The following SCAMP1 variants were observed in gnomAD, a reference collection of about 807,000 sequenced individuals.
The protein encoded by SCAMP1 is secretory carrier-associated membrane protein 1.
Under a neutral mutation model 41.8 loss-of-function variants are expected in SCAMP1, and 15 were observed. The ratio of observed to expected loss-of-function variants is 0.36; its 90% CI spans 0.24 to 0.55. The LOEUF (loss-of-function observed/expected upper bound fraction) is 0.55. Among genes scored for constraint, SCAMP1 ranks in the 20% least tolerant of loss-of-function variants. The pLI, the probability that SCAMP1 is intolerant of heterozygous loss-of-function variation, is 0.86. For synonymous variants in SCAMP1, 135 were observed against 136.8 expected, an observed-to-expected ratio of 0.99 and a Z score of 0.09; for missense variants, 341 against 412.6, an observed-to-expected ratio of 0.83 and a Z score of 1.50.
rs964453841 is a variant in SCAMP1, at chr5:78,479,986, C to T, written c.*4318C>T. Among the ~76,000 whole-genome samples the T allele has an allele frequency of 4.0e-5, 6 of 151,508 alleles. No individual in the cohort carries two copies. The highest frequency in any genetic ancestry group is 1.5e-4 in the African/African-American group (6 of 41,104). ...ACGTGAACCTGGGAGGCGGAGCTTGCAGTGAGCCGAGATCTCTCCACTGCA... is the reference window on the plus strand; with the variant it reads ...ACGTGAACCTGGGAGGCGGAGCTTGTAGTGAGCCGAGATCTCTCCACTGCA... On this transcript the variant is annotated 3_prime_UTR_variant, in exon 9 of 9. Transcript: ENST00000621999.
At chr5:78,447,529 G>C (rs895257441) in intron 6 of SCAMP1, among the ~76,000 whole-genome samples, 1 of 152,046 alleles carries the variant, frequency 6.6e-6, no homozygotes, top group African/African-American at 2.4e-5. Context: ...AAGAAATGCT[G>C]CTAGAACAAT....
intron 6 of SCAMP1, among the ~76,000 whole-genome samples, chr5:78,444,999 T>C (rs1324234970): frequency 6.6e-6 from 1 of 152,236 alleles, no homozygotes; most frequent in Non-Finnish European, 1.5e-5. Flanking sequence ...TGTTCTCTTA[T>C]CTGCTATGTT....
intron 8 of SCAMP1, among the ~76,000 whole-genome samples, chr5:78,460,812 C>CTTT (rs1211929705): frequency 8.6e-4 from 22 of 25,488 alleles, no homozygotes; most frequent in South Asian, 2.1e-3. Flanking sequence ...TTCCTCCCTT[C>CTTT]CTTCCTTCCT....
At chr5:78,375,306 A>G (rs903772521) in intron 1 of SCAMP1, among the ~76,000 whole-genome samples, 2 of 152,142 alleles carry the variant, frequency 1.3e-5, no homozygotes, top group African/African-American at 4.8e-5. Flanking sequence ...TCTTCCAACA[A>G]CTTGGTCTTT....
Position 78,479,776 on chromosome 5 carries a change from C to T in SCAMP1, c.*4108C>T, listed in dbSNP as rs1256568995. On this transcript the variant is annotated 3_prime_UTR_variant, in exon 9 of 9. Transcript: ENST00000621999. ...ATAGGATTTTGGCCAGGTGTGGTGG[C>T]TCACGCCTGTAATCCCAGCACTTTG... Among the ~76,000 whole-genome samples the T allele has an allele frequency of 6.6e-6, 1 of 152,188 alleles. No individual in the cohort carries two copies. Among genetic ancestry groups the T allele is most frequent in the African/African-American group, 2.4e-5 (1 of 41,430 alleles).
chr5:78,386,344 TAC>T (rs1751341026), intron 1 of SCAMP1, among the ~76,000 whole-genome samples: 1 of 152,120 alleles, frequency 6.6e-6, no homozygotes, highest in African/African-American at 2.4e-5. Flanking sequence ...TTTATGTGAG[TAC>T]TTATGTGTCA....
At chr5:78,435,183 A>C (rs531119765) in intron 6 of SCAMP1, among the ~76,000 whole-genome samples, 1 of 152,318 alleles carries the variant, frequency 6.6e-6, no homozygotes, top group East Asian at 1.9e-4. Context: ...TTTATTTCTT[A>C]CAGAGGATTA....
At chr5:78,395,935 G>A (rs1751640085) in intron 2 of SCAMP1, among the ~76,000 whole-genome samples, 1 of 152,164 alleles carries the variant, frequency 6.6e-6, no homozygotes. Context: ...CAAGGGAAGG[G>A]CATTATTAAA....
intron 2 of SCAMP1, among the ~76,000 whole-genome samples, chr5:78,405,700 C>A (rs1324429766): frequency 6.6e-6 from 1 of 152,112 alleles, no homozygotes; most frequent in Non-Finnish European, 1.5e-5. Context: ...TAATGTATCC[C>A]AATTCCTGTA....
At chr5:78,456,893 C>T in intron 7 of SCAMP1, among the ~76,000 whole-genome samples, 1 of 119,710 alleles carries the variant, frequency 8.4e-6, no homozygotes, top group Non-Finnish European at 1.7e-5. Flanking sequence ...TCTTTTTATT[C>T]TTTTTTCTCT....
At chr5:78,441,666 A>C (rs1752927960) in intron 6 of SCAMP1, among the ~76,000 whole-genome samples, 2 of 152,172 alleles carry the variant, frequency 1.3e-5, no homozygotes, top group African/African-American at 4.8e-5. Context: ...TTACAAACAA[A>C]ACAAAACAAA....
intron 2 of SCAMP1, among the ~76,000 whole-genome samples, chr5:78,396,405 A>C (rs910884236): frequency 4.6e-5 from 7 of 152,184 alleles, no homozygotes; most frequent in African/African-American, 1.7e-4. Context: ...TGAACCTAAA[A>C]CTGCATTAGA....
Position 78,389,023 on chromosome 5 carries a change from T to C in SCAMP1, c.135+109T>C. The stretch of plus-strand genomic sequence containing the variant: ...GCTTACACTTAAATAAAACAAATTG[T>C]TAATGTTTTATTTAGTATTCAGCAA... On this transcript the variant is annotated intron_variant, in intron 2 of 8. Transcript: ENST00000621999. 5.3e-6 allele frequency: 3 copies of C among 561,836 alleles called. No individual in the cohort carries two copies. The South Asian group carries it at 9.3e-5, about 17-fold the overall frequency. 34.8% of individuals were successfully genotyped at this position (561,836 alleles called of 1,614,324 possible). A position where few individuals can be genotyped will look rare whatever the true frequency, so the allele number is the denominator to read the frequency against.
intron 6 of SCAMP1, among the ~76,000 whole-genome samples, chr5:78,434,616 T>C (rs971525679): frequency 4.5e-4 from 68 of 152,250 alleles, no homozygotes; most frequent in Admixed American, 3.8e-3. Context: ...TTACAATCTA[T>C]AAGGTTTTTA....
intron 2 of SCAMP1, among the ~76,000 whole-genome samples, chr5:78,396,247 G>A (rs1751646988): frequency 6.6e-6 from 1 of 152,150 alleles, no homozygotes; most frequent in Non-Finnish European, 1.5e-5. Flanking sequence ...GTAAACTGTG[G>A]ATTTGGGTGA....
intron 8 of SCAMP1, among the ~76,000 whole-genome samples, chr5:78,475,089 G>C (rs1341819965): frequency 6.6e-6 from 1 of 152,126 alleles, no homozygotes; most frequent in African/African-American, 2.4e-5. Flanking sequence ...TGTATATGTA[G>C]ATAAAATGGA....
At position 78,404,911 on chromosome 5, in the gene SCAMP1, G is replaced by A. The variant is rs1385508931; in HGVS notation, c.136-10609G>A. ...GCGAGGGGACTCACCACATGAATGG[G>A]TTCCCCTGTAGATTTTAACTCTCAG... is the stretch of plus-strand genomic sequence containing the variant. On this transcript the variant is annotated intron_variant, in intron 2 of 8. Coordinates refer to ENST00000621999, the MANE Select transcript of SCAMP1 (RefSeq NM_004866.6). Among the ~76,000 whole-genome samples the A allele has an allele frequency of 2.0e-5, 3 of 152,288 alleles. No individual in the cohort carries two copies. The East Asian group carries it at 5.8e-4, about 29-fold the overall frequency.
chr5:78,476,648 G>C lies in SCAMP1; in HGVS notation c.*980G>C, dbSNP rs894540449. On this transcript the variant is annotated 3_prime_UTR_variant, in exon 9 of 9. Transcript: ENST00000621999. ...GGCTAGCCTAACTGTTGTCTAAAAA[G>C]ATTGTACAGTATTTAAGGGATTTTC... The C allele has an allele frequency of 6.6e-6, 1 of 152,460 alleles. No homozygotes were observed. The highest frequency in any genetic ancestry group is 6.6e-5 in the Admixed American group (1 of 15,254). The allele number at this position is 152,460 out of a possible 1,614,324, so 9.4% of individuals were successfully genotyped here.
intron 2 of SCAMP1, among the ~76,000 whole-genome samples, chr5:78,395,180 G>T (rs1012677843): frequency 7.2e-5 from 11 of 152,068 alleles, no homozygotes; most frequent in African/African-American, 2.7e-4. Flanking sequence ...TTTTTTCGTA[G>T]ACCATTTTTT....
Sources: gnomAD v4.1 joint callset for allele counts (sites outside exome capture counted in the v4.1 genomes callset) on GRCh38, gnomAD v4.1.1 for gene constraint, MANE v1.5 for transcripts, NCBI Gene and HGNC (gene_info 2026-07-23, HGNC 2026-07-21) for gene names.